RPGRIP1: variants seen among roughly 807,000 people sequenced by gnomAD.
The protein encoded by RPGRIP1 is RPGR interacting protein 1.
In RPGRIP1, 128 loss-of-function variants were observed where a neutral mutation model predicts 157.9. The observed-to-expected ratio is 0.81, with a 90% CI of 0.70 to 0.94. RPGRIP1 has a LOEUF of 0.94. RPGRIP1 is among the 40% of genes least tolerant of loss of function. The pLI is 0.00. For synonymous variants in RPGRIP1, 554 were observed against 571.6 expected (o/e 0.97, Z 0.44); for missense variants, 1,486 against 1,545.8 (o/e 0.96, Z 0.65).
chr14:21,348,081 G>C, intron 23 of RPGRIP1, 91 bp from the exon 24 acceptor site: 1 of 1,079,158 alleles, frequency 9.3e-7, no homozygotes, highest in South Asian at 1.9e-5. Flanking sequence ...CAGAGAAGAC[G>C]TTGTATTGTT....
In RPGRIP1 at chr14:21,343,147, C is replaced by T. The variant is rs748933746; in HGVS notation, c.3451C>T (p.Leu1151=). 6.8e-6 allele frequency: 11 copies of T among 1,613,356 alleles called. No homozygotes were observed. The East Asian group carries it at 2.0e-4, about 29-fold the overall frequency. The change falls in exon 22 of 25, where the codon CTA becomes TTA. Residue 1151 remains leucine, a synonymous_variant. Transcript: ENST00000400017. The stretch of plus-strand genomic sequence containing the variant: ...GTATGTGGAGTACAAATTCTACGAC[C>T]TACCCTTGTCGGAGACAGAGACTCC... The part of the protein sequence containing the change: ...QVYVEYKFYD[L]PLSETETPVS...
At chr14:21,294,840 T>TTTTTC in intron 3 of RPGRIP1, 31 bp downstream of exon 3, 1 of 700,080 alleles carries the variant, frequency 1.4e-6, no homozygotes, top group Non-Finnish European at 1.8e-6. Context: ...ATTTTTTTTT[T>TTTTTC]TTTTTTTTTT....
intron 19 of RPGRIP1, among the ~76,000 whole-genome samples, chr14:21,328,876 G>C (rs1429258557): frequency 6.6e-6 from 1 of 152,094 alleles, no homozygotes; most frequent in Non-Finnish European, 1.5e-5. Flanking sequence ...TGGTGCAGTG[G>C]CTCACGCCTG....
chr14:21,331,986 T>C (rs1883845286), intron 20 of RPGRIP1, among the ~76,000 whole-genome samples: 2 of 149,076 alleles, frequency 1.3e-5, no homozygotes. Flanking sequence ...TCACCCAGGC[T>C]GGAGTGCAGT....
At position 21,292,169 on chromosome 14, in the gene RPGRIP1, G is replaced by A. The variant is rs565941626; in HGVS notation, c.86-2508G>A. On this transcript the variant is annotated intron_variant, in intron 2 of 24. Coordinates refer to ENST00000400017, the MANE Select transcript of RPGRIP1 (RefSeq NM_020366.4). The stretch of plus-strand genomic sequence containing the variant: ...GGCCTTCCAAAGTGTTGATATCACA[G>A]GCATGAGCCACCGCGTCTGGCCTAA... Among the ~76,000 whole-genome samples the A allele has an allele frequency of 5.9e-5, 9 of 152,236 alleles. No individual in the cohort carries two copies. In the South Asian group the frequency reaches 1.9e-3, roughly 32 times the overall value.
chr14:21,287,525 G>T (rs767881852), intron 1 of RPGRIP1, among the ~76,000 whole-genome samples: 5 of 152,090 alleles, frequency 3.3e-5, no homozygotes, highest in Non-Finnish European at 7.4e-5. Context: ...TGGGTCATTC[G>T]ATTAACCCTG....
chr14:21,320,591 C>T (rs1456740977), intron 12 of RPGRIP1, among the ~76,000 whole-genome samples: 2 of 138,930 alleles, frequency 1.4e-5, no homozygotes, highest in East Asian at 2.2e-4. Flanking sequence ...GCGCCCGGCC[C>T]ACTCTTTTTT....
At chr14:21,287,175 A>G (rs1406432922) in intron 1 of RPGRIP1, among the ~76,000 whole-genome samples, 2 of 152,248 alleles carry the variant, frequency 1.3e-5, no homozygotes, top group African/African-American at 2.4e-5. Flanking sequence ...AGGCGGGCAG[A>G]TCACCTAAAG....
chr14:21,314,713 C>T (rs1349192347), intron 10 of RPGRIP1, among the ~76,000 whole-genome samples: 1 of 89,396 alleles, frequency 1.1e-5, no homozygotes, highest in Non-Finnish European at 2.2e-5. Flanking sequence ...AACTCTGTCT[C>T]GAAAAAAAAA....
intron 9 of RPGRIP1, among the ~76,000 whole-genome samples, 163 bp from the exon 10 acceptor site, chr14:21,312,270 G>A (rs1020208488): frequency 6.6e-6 from 1 of 152,226 alleles, no homozygotes; most frequent in South Asian, 2.1e-4. Flanking sequence ...GTTTCTAGCC[G>A]ACCTTCAATT....
At chr14:21,305,766 C>G (rs1044647316) in intron 6 of RPGRIP1, among the ~76,000 whole-genome samples, 1 of 152,106 alleles carries the variant, frequency 6.6e-6, no homozygotes, top group Non-Finnish European at 1.5e-5. Flanking sequence ...GAGGCTGAGG[C>G]AGGCGAATAG....
intron 20 of RPGRIP1, 123 bp from the exon 21 acceptor site, chr14:21,334,480 TGA>T: frequency 1.4e-6 from 1 of 713,580 alleles, no homozygotes; most frequent in Non-Finnish European, 2.5e-6. Flanking sequence ...TCTTAGTAAG[TGA>T]AGGCAAAATC....
chr14:21,315,236 G>A (rs1011562654), intron 10 of RPGRIP1, among the ~76,000 whole-genome samples: 3 of 151,988 alleles, frequency 2.0e-5, no homozygotes, highest in Admixed American at 1.3e-4. Context: ...GGCTGTGCGC[G>A]GTGGCTCATG....
At chr14:21,339,666 G>A (rs1027433803) in intron 21 of RPGRIP1, among the ~76,000 whole-genome samples, 5 of 152,062 alleles carry the variant, frequency 3.3e-5, no homozygotes, top group Non-Finnish European at 7.4e-5. Flanking sequence ...ATGACCTTTC[G>A]TTTAGACAGA....
intron 21 of RPGRIP1, among the ~76,000 whole-genome samples, chr14:21,340,930 C>CA (rs113515799): frequency 0.011 from 1,675 of 150,588 alleles, 36 homozygotes; most frequent in African/African-American, 0.037. Flanking sequence ...ATCAAAGTGT[C>CA]AAAAAAAAAC....
chr14:21,315,659 G>T (rs1881753447), intron 10 of RPGRIP1, among the ~76,000 whole-genome samples: 1 of 152,032 alleles, frequency 6.6e-6, no homozygotes, highest in South Asian at 2.1e-4. Flanking sequence ...CACTTCGATA[G>T]ACATTACTCT....
At chr14:21,334,764 C>T in intron 21 of RPGRIP1, 59 bp downstream of exon 21, 1 of 1,162,998 alleles carries the variant, frequency 8.6e-7, no homozygotes, top group Non-Finnish European at 1.2e-6. Flanking sequence ...TGACAGTGGC[C>T]AGTCATGGGG....
Position 21,294,829 on chromosome 14 carries a change from AATTTTTTTTTTT to A in RPGRIP1, c.218+21_218+32del. 4 of 827,986 alleles carry A rather than the reference AATTTTTTTTTTT, an allele frequency of 4.8e-6. No homozygotes were observed. Among genetic ancestry groups the A allele is most frequent in the East Asian group, 4.8e-5 (1 of 20,624 alleles). The allele number at this position is 827,986 out of a possible 1,614,324, so 51.3% of individuals were successfully genotyped here. On this transcript the variant is annotated intron_variant, in intron 3 of 24. Coordinates refer to ENST00000400017, the MANE Select transcript of RPGRIP1 (RefSeq NM_020366.4). ...CAAAAGGTACTTAGAGTTCTCCTTAAATTTTTTTTTTTTTTTTTTTTTTTTTTTTTTTTGAGA... is the reference window on the plus strand; with the variant it reads ...CAAAAGGTACTTAGAGTTCTCCTTAATTTTTTTTTTTTTTTTTTTTTGAGA...
At chr14:21,317,161 G>A (rs1881863835) in intron 10 of RPGRIP1, among the ~76,000 whole-genome samples, 1 of 151,938 alleles carries the variant, frequency 6.6e-6, no homozygotes, top group South Asian at 2.1e-4. Context: ...CCAGCCATGT[G>A]TATTTTATAC....
Sources: gnomAD v4.1 joint callset for allele counts (sites outside exome capture counted in the v4.1 genomes callset) on GRCh38, gnomAD v4.1.1 for gene constraint, MANE v1.5 for transcripts, NCBI Gene and HGNC (gene_info 2026-07-23, HGNC 2026-07-21) for gene names.